The following RAI2 variants were observed in gnomAD, a reference collection of about 807,000 sequenced individuals.
RAI2 encodes the protein retinoic acid induced 2, also known as retinoic acid-induced protein 2.
A neutral mutation model predicts 15.3 loss-of-function variants in RAI2; 5 were observed. The ratio of observed to expected loss-of-function variants is 0.33; its 90% CI spans 0.17 to 0.69. The LOEUF (loss-of-function observed/expected upper bound fraction) is 0.69. Among genes scored for constraint, RAI2 ranks in the 30% least tolerant of loss-of-function variants. RAI2 has a pLI of 0.69. For missense variants in RAI2, 424 were observed against 424.7 expected (o/e 1.00, Z 0.01); for synonymous variants, 191 against 184.0 (o/e 1.04, Z -0.31).
chrX:17,821,658 G>A (rs1020881981), intron 1 of RAI2, among the ~76,000 whole-genome samples: 2 of 111,197 alleles, frequency 1.8e-5, no homozygotes, highest in African/African-American at 6.5e-5. Context: ...AAGAAAGGCA[G>A]GGGATAGATG....
intron 1 of RAI2, among the ~76,000 whole-genome samples, chrX:17,857,301 A>G (rs942828818): frequency 9.0e-6 from 1 of 111,343 alleles, no homozygotes; most frequent in Non-Finnish European, 1.9e-5. Context: ...ACATAGATTC[A>G]AAGCCCAGCT....
At chrX:17,805,353 C>T (rs2066965725) in intron 1 of RAI2, among the ~76,000 whole-genome samples, 1 of 112,890 alleles carries the variant, frequency 8.9e-6, no homozygotes, top group Non-Finnish European at 1.9e-5. Flanking sequence ...TTTTCCCCCA[C>T]AAGGGGCCTC....
At chrX:17,830,701 T>C (rs181778706) in intron 1 of RAI2, among the ~76,000 whole-genome samples, 2 of 111,048 alleles carry the variant, frequency 1.8e-5, no homozygotes, top group African/African-American at 6.6e-5. Context: ...CATTATTGCT[T>C]CCTTGCAAAG....
At chrX:17,850,891 G>A (rs762873550) in intron 1 of RAI2, among the ~76,000 whole-genome samples, 12 of 112,982 alleles carry the variant, frequency 1.1e-4, no homozygotes, top group Non-Finnish European at 2.1e-4. Context: ...GGGCAGTTTT[G>A]TAAAGTGGAA....
At chrX:17,825,631 T>A (rs191513032) in intron 1 of RAI2, among the ~76,000 whole-genome samples, 262 of 112,495 alleles carry the variant, frequency 2.3e-3, no homozygotes, top group African/African-American at 7.9e-3. Flanking sequence ...TGTCCCACAC[T>A]GGGAAATCAT....
intron 1 of RAI2, among the ~76,000 whole-genome samples, chrX:17,806,308 G>A (rs1043662418): frequency 8.9e-6 from 1 of 111,791 alleles, no homozygotes; most frequent in East Asian, 2.8e-4. Flanking sequence ...TCAAGCCCAG[G>A]GGGCATGAAT....
At chrX:17,804,312 C>T (rs997424919) in intron 1 of RAI2, among the ~76,000 whole-genome samples, 16 of 112,110 alleles carry the variant, frequency 1.4e-4, no homozygotes, top group African/African-American at 5.2e-4. Context: ...ATTCACTCAT[C>T]CTGAGTGAAA....
At chrX:17,858,589 G>C (rs1400109574) in intron 1 of RAI2, among the ~76,000 whole-genome samples, 1 of 112,092 alleles carries the variant, frequency 8.9e-6, no homozygotes, top group Non-Finnish European at 1.9e-5. Flanking sequence ...ATTACAGCTA[G>C]AGCACTCCCA....
intron 1 of RAI2, among the ~76,000 whole-genome samples, chrX:17,825,572 T>C (rs941293583): frequency 8.9e-6 from 1 of 112,465 alleles, no homozygotes; most frequent in African/African-American, 3.2e-5. Context: ...ACATGGGTCA[T>C]GAATGTCACA....
At chrX:17,821,047 G>A (rs928948877) in intron 1 of RAI2, among the ~76,000 whole-genome samples, 1 of 111,837 alleles carries the variant, frequency 8.9e-6, no homozygotes, top group Non-Finnish European at 1.9e-5. Context: ...CTATAGGCGT[G>A]AGCCACTGTG....
intron 1 of RAI2, among the ~76,000 whole-genome samples, chrX:17,859,523 C>A (rs980608174): frequency 8.9e-6 from 1 of 112,730 alleles, no homozygotes; most frequent in Non-Finnish European, 1.9e-5. Flanking sequence ...ACAGACAGAG[C>A]CATGAGAATA....
intron 1 of RAI2, among the ~76,000 whole-genome samples, chrX:17,809,307 C>T (rs187911017): frequency 8.6e-4 from 96 of 111,437 alleles, no homozygotes; most frequent in African/African-American, 2.7e-3. Context: ...TTCATGAGGA[C>T]GGACAGTGGC....
At position 17,800,220 on chromosome X, in the gene RAI2, A is replaced by G. The variant is rs2066884473; in HGVS notation, c.*198T>C. The G allele has an allele frequency of 2.1e-6, 1 of 475,323 alleles. No individual in the cohort carries two copies. The highest frequency in any genetic ancestry group is 4.9e-5 in the Admixed American group (1 of 20,240). 39.2% of individuals were successfully genotyped at this position (475,323 alleles called of 1,213,427 possible). ...TCTGCTTGAAAAATAGGTTGCTCTT[A>G]TTTACTCATTTGTGAAAAGTCAAAA... On this transcript the variant is annotated 3_prime_UTR_variant, in exon 2 of 2. Transcript: ENST00000451717.
chrX:17,840,336 C>G (rs761275388), intron 1 of RAI2, among the ~76,000 whole-genome samples: 1 of 111,300 alleles, frequency 9.0e-6, no homozygotes, highest in East Asian at 2.8e-4. Flanking sequence ...AGAGCCTACT[C>G]AATGCCACCC....
chrX:17,812,176 T>C (rs906333597), intron 1 of RAI2, among the ~76,000 whole-genome samples: 7 of 111,840 alleles, frequency 6.3e-5, no homozygotes, highest in African/African-American at 9.8e-5. Context: ...ATTGGCATCA[T>C]TGGCATCATC....
rs1389461845 is a variant in RAI2, at chrX:17,860,838, A to C, written c.-25+260T>G. 3.8e-5 allele frequency: 4 copies of C among 104,084 alleles called. No individual in the cohort carries two copies. The South Asian group carries it at 1.2e-3, about 32-fold the overall frequency. 8.6% of individuals were successfully genotyped at this position (104,084 alleles called of 1,213,427 possible). A position where few individuals can be genotyped will look rare whatever the true frequency, so the allele number is the denominator to read the frequency against. On this transcript the variant is annotated intron_variant, in intron 1 of 1. Transcript: ENST00000451717. The stretch of plus-strand genomic sequence containing the variant: ...CCGGCAGTCCCCGGCCCCGCCGGCC[A>C]GTGCGCGGCGCCGGGAACGGGAGCG...
intron 1 of RAI2, among the ~76,000 whole-genome samples, chrX:17,810,507 C>T (rs746746529): frequency 8.9e-5 from 10 of 112,716 alleles, no homozygotes; most frequent in Non-Finnish European, 1.3e-4. Context: ...TTGTTTTATA[C>T]ATCTGGGACT....
chrX:17,836,277 CTGTCA>C lies in RAI2; in HGVS notation c.-25+24816_-25+24820del, dbSNP rs756329673. 3.3e-3 allele frequency among the ~76,000 whole-genome samples: 368 copies of C among 111,888 alleles called. 3 individuals carry two copies. Among genetic ancestry groups the C allele is most frequent in the Non-Finnish European group, 6.1e-3 (324 of 53,219 alleles). On this transcript the variant is annotated intron_variant, in intron 1 of 1. Transcript: ENST00000451717. ...CCTTCACTTACGATAGGGTTATGTC[CTGTCA>C]TAAGTTGAAAATATTGTAGTCAAAA...
intron 1 of RAI2, among the ~76,000 whole-genome samples, chrX:17,821,624 C>A (rs2067165998): frequency 9.1e-6 from 1 of 110,454 alleles, no homozygotes; most frequent in African/African-American, 3.3e-5. Context: ...AGGAGAGGAG[C>A]TAACAAATTT....
Sources: allele counts gnomAD v4.1 joint callset (sites outside exome capture counted in the v4.1 genomes callset), GRCh38; gene constraint gnomAD v4.1.1; transcripts MANE v1.5; gene names NCBI Gene and HGNC (gene_info 2026-07-23, HGNC 2026-07-21).